The following EXOC4 variants were observed in gnomAD, a reference collection of about 807,000 sequenced individuals.
EXOC4 encodes the protein SEC8-like 1.
EXOC4 carries 71 observed loss-of-function variants against 107.2 expected under a neutral mutation model. That is an observed-to-expected ratio of 0.66 (90% CI 0.55 to 0.81). EXOC4 has a LOEUF of 0.81. EXOC4 is among the 30% of genes least tolerant of loss of function. EXOC4 has a pLI of 0.00. For missense variants in EXOC4, 1,108 were observed against 1,189.6 expected (o/e 0.93, Z 1.01); for synonymous variants, 456 against 441.2 (o/e 1.03, Z -0.42).
intron 5 of EXOC4, among the ~76,000 whole-genome samples, chr7:133,327,009 G>T (rs1180776065): frequency 2.0e-5 from 3 of 152,230 alleles, no homozygotes; most frequent in Non-Finnish European, 4.4e-5. Context: ...CTCCAAGCCA[G>T]GCGTGGGATA....
At chr7:133,946,576 T>G (rs951831434) in intron 14 of EXOC4, among the ~76,000 whole-genome samples, 29 of 152,236 alleles carry the variant, frequency 1.9e-4, no homozygotes, top group African/African-American at 7.0e-4. Flanking sequence ...ATTTACAAAC[T>G]CGTTGAAACT....
intron 10 of EXOC4, among the ~76,000 whole-genome samples, chr7:133,735,129 G>A (rs1190976120): frequency 2.1e-5 from 3 of 144,496 alleles, no homozygotes; most frequent in Non-Finnish European, 3.0e-5. Context: ...GGGAGGCTGA[G>A]GCAGGAGAAT....
At chr7:133,773,735 C>G (rs1562991502) in intron 10 of EXOC4, among the ~76,000 whole-genome samples, 1 of 151,982 alleles carries the variant, frequency 6.6e-6, no homozygotes, top group African/African-American at 2.4e-5. Flanking sequence ...TGTACTCATT[C>G]ATGCACAAAG....
intron 2 of EXOC4, among the ~76,000 whole-genome samples, chr7:133,284,081 T>C (rs1794220189): frequency 6.6e-6 from 1 of 152,208 alleles, no homozygotes; most frequent in Non-Finnish European, 1.5e-5. Flanking sequence ...GGTGTGGTCA[T>C]TTTCTACACA....
At chr7:133,466,274 A>G (rs1682889986) in intron 7 of EXOC4, among the ~76,000 whole-genome samples, 1 of 151,100 alleles carries the variant, frequency 6.6e-6, no homozygotes, top group Non-Finnish European at 1.5e-5. Context: ...GTCTTTTGAA[A>G]AGATCAAAAA....
At chr7:133,417,222 A>G (rs1193561368) in intron 7 of EXOC4, among the ~76,000 whole-genome samples, 2 of 152,318 alleles carry the variant, frequency 1.3e-5, no homozygotes, top group Non-Finnish European at 2.9e-5. Context: ...CTGTTTTATC[A>G]TAGGACAGAA....
At chr7:133,503,440 A>G (rs1005651524) in intron 9 of EXOC4, among the ~76,000 whole-genome samples, 4 of 152,096 alleles carry the variant, frequency 2.6e-5, no homozygotes, top group East Asian at 1.9e-4. Context: ...CATTCTTGCA[A>G]TCCTACTATG....
chr7:133,516,788 C>G (rs1009933814), intron 9 of EXOC4, among the ~76,000 whole-genome samples: 1 of 4,666 alleles, frequency 2.1e-4, no homozygotes, highest in Non-Finnish European at 1.2e-3. Flanking sequence ...ATTTATACCA[C>G]TTATTTACAG....
At chr7:133,883,501 G>A (rs1799011560) in intron 11 of EXOC4, among the ~76,000 whole-genome samples, 1 of 151,340 alleles carries the variant, frequency 6.6e-6, no homozygotes, top group Non-Finnish European at 1.5e-5. Flanking sequence ...AAAATAGCCT[G>A]GTATGGTGGC....
intron 11 of EXOC4, among the ~76,000 whole-genome samples, chr7:133,825,353 AG>A (rs1379296004): frequency 1.3e-5 from 2 of 152,128 alleles, no homozygotes; most frequent in Non-Finnish European, 2.9e-5. Flanking sequence ...TGATAGAGTG[AG>A]ACTCTGTCTC....
chr7:133,502,312 A>T (rs1425821716), intron 9 of EXOC4, among the ~76,000 whole-genome samples: 2 of 152,178 alleles, frequency 1.3e-5, no homozygotes, highest in Non-Finnish European at 2.9e-5. Context: ...TGCTATGCAC[A>T]ATATCTGTTG....
chr7:133,767,979 A>G (rs1796172527), intron 10 of EXOC4: 1 of 152,026 alleles, frequency 6.6e-6, no homozygotes, highest in Non-Finnish European at 1.5e-5. Context: ...GGAATGTGTA[A>G]GTACCTAGGG....
intron 9 of EXOC4, among the ~76,000 whole-genome samples, chr7:133,534,908 A>G (rs1013642144): frequency 1.3e-5 from 2 of 152,048 alleles, no homozygotes; most frequent in African/African-American, 2.4e-5. Flanking sequence ...TTATTATCCC[A>G]TGTGGTATCT....
intron 9 of EXOC4, among the ~76,000 whole-genome samples, chr7:133,581,753 G>A (rs574805896): frequency 7.4e-4 from 48 of 64,796 alleles, no homozygotes; most frequent in East Asian, 3.2e-3. Context: ...GTGAGACTCC[G>A]TCTCAAAAAA....
chr7:133,472,503 A>T (rs372326085), intron 7 of EXOC4, among the ~76,000 whole-genome samples: 1 of 152,206 alleles, frequency 6.6e-6, no homozygotes, highest in African/African-American at 2.4e-5. Flanking sequence ...GAAGGAATTA[A>T]TGTTTTTATG....
At chr7:133,467,899 G>C (rs966185822) in intron 7 of EXOC4, among the ~76,000 whole-genome samples, 2 of 151,770 alleles carry the variant, frequency 1.3e-5, no homozygotes, top group Admixed American at 6.6e-5. Context: ...TTTTTGTCCT[G>C]ATGTTTTACC....
chr7:133,273,435 T>A (rs1187884602), intron 1 of EXOC4, among the ~76,000 whole-genome samples: 1 of 152,198 alleles, frequency 6.6e-6, no homozygotes, highest in Non-Finnish European at 1.5e-5. Flanking sequence ...AGGCTTTAAA[T>A]CAAGTCTTGT....
At chr7:133,369,674 T>C (rs1383869656) in intron 6 of EXOC4, among the ~76,000 whole-genome samples, 1 of 152,184 alleles carries the variant, frequency 6.6e-6, no homozygotes, top group Non-Finnish European at 1.5e-5. Flanking sequence ...TTTATCACTT[T>C]TAAAATTTCC....
chr7:133,783,449 C>T (rs768356278), intron 10 of EXOC4, among the ~76,000 whole-genome samples: 2 of 152,228 alleles, frequency 1.3e-5, no homozygotes, highest in Non-Finnish European at 2.9e-5. Context: ...AGCCATCATC[C>T]TATTTGTGGT....
Sources: allele counts gnomAD v4.1 joint callset (sites outside exome capture counted in the v4.1 genomes callset), GRCh38; gene constraint gnomAD v4.1.1; transcripts MANE v1.5; gene names NCBI Gene and HGNC (gene_info 2026-07-23, HGNC 2026-07-21).